The following FHOD3 variants were observed in gnomAD, a reference collection of about 807,000 sequenced individuals.
The protein encoded by FHOD3 is FH1/FH2 domain-containing protein 3.
Under a neutral mutation model 173.0 loss-of-function variants are expected in FHOD3, and 90 were observed. That is an observed-to-expected ratio of 0.52 (90% CI 0.44 to 0.62). The LOEUF (loss-of-function observed/expected upper bound fraction) is 0.62, where lower values mean the gene tolerates loss of function less well. FHOD3 is among the 20% of genes least tolerant of loss of function. FHOD3 has a pLI of 0.00. For synonymous variants in FHOD3, 828 were observed against 823.0 expected, an observed-to-expected ratio of 1.01 and a Z score of -0.10; for missense variants, 1,945 against 2,034.7, an observed-to-expected ratio of 0.96 and a Z score of 0.85.
chr18:36,508,333 A>G (rs904532712), intron 4 of FHOD3, among the ~76,000 whole-genome samples: 3 of 152,168 alleles, frequency 2.0e-5, no homozygotes, highest in East Asian at 3.8e-4. Flanking sequence ...ACCACTAGCA[A>G]CGAGATTGTG....
intron 4 of FHOD3, among the ~76,000 whole-genome samples, chr18:36,504,887 T>C (rs112111935): frequency 2.6e-5 from 4 of 152,280 alleles, no homozygotes; most frequent in African/African-American, 9.6e-5. Context: ...ATGCCACAAG[T>C]AGAAAATTCC....
chr18:36,348,309 A>G (rs2145624545), intron 1 of FHOD3, among the ~76,000 whole-genome samples: 1 of 152,330 alleles, frequency 6.6e-6, no homozygotes, highest in South Asian at 2.1e-4. Flanking sequence ...ACCAAATGGA[A>G]CATGCTGACT....
chr18:36,699,032 G>A (rs558391561), intron 17 of FHOD3, among the ~76,000 whole-genome samples: 4 of 152,210 alleles, frequency 2.6e-5, no homozygotes, highest in African/African-American at 9.6e-5. Flanking sequence ...TTTGCTCTAG[G>A]GAGACCCTAT....
intron 9 of FHOD3, among the ~76,000 whole-genome samples, chr18:36,621,140 C>T (rs2033673531): frequency 6.6e-6 from 1 of 151,986 alleles, no homozygotes. Context: ...CATAAATTGA[C>T]AGAAAAGAAA....
intron 14 of FHOD3, among the ~76,000 whole-genome samples, chr18:36,662,290 A>G (rs2036863072): frequency 6.6e-6 from 1 of 152,170 alleles, no homozygotes; most frequent in African/African-American, 2.4e-5. Context: ...ACCCTAAGAC[A>G]GTCCTTGTTC....
chr18:36,752,744 G>T (rs1422965235), intron 24 of FHOD3, among the ~76,000 whole-genome samples: 1 of 152,014 alleles, frequency 6.6e-6, no homozygotes, highest in African/African-American at 2.4e-5. Context: ...GATTCCCTGT[G>T]CATCCAAAAA....
At chr18:36,394,784 A>T (rs1390270606) in intron 3 of FHOD3, among the ~76,000 whole-genome samples, 2 of 152,166 alleles carry the variant, frequency 1.3e-5, no homozygotes, top group Non-Finnish European at 2.9e-5. Context: ...AAAACATTTC[A>T]AAACTGCAAT....
intron 3 of FHOD3, among the ~76,000 whole-genome samples, chr18:36,453,877 A>T (rs1220203895): frequency 6.6e-6 from 1 of 152,204 alleles, no homozygotes; most frequent in Non-Finnish European, 1.5e-5. Context: ...ATGTAGGCTC[A>T]GTTTTGTGAC....
At chr18:36,775,626 G>T (rs923333516) in intron 28 of FHOD3, among the ~76,000 whole-genome samples, 1 of 152,182 alleles carries the variant, frequency 6.6e-6, no homozygotes, top group Non-Finnish European at 1.5e-5. Flanking sequence ...TCTCGGATGC[G>T]ACTCATCTTA....
At chr18:36,563,906 C>G (rs905896934) in intron 5 of FHOD3, among the ~76,000 whole-genome samples, 1 of 152,068 alleles carries the variant, frequency 6.6e-6, no homozygotes, top group Non-Finnish European at 1.5e-5. Flanking sequence ...CCATTCCACT[C>G]TGCTTGGGCT....
intron 1 of FHOD3, among the ~76,000 whole-genome samples, chr18:36,335,359 G>T (rs2145314003): frequency 6.6e-6 from 1 of 151,876 alleles, no homozygotes; most frequent in Middle Eastern, 3.4e-3. Flanking sequence ...GCCGGGCGTG[G>T]TAGCGGGCGC....
intron 17 of FHOD3, among the ~76,000 whole-genome samples, chr18:36,702,578 C>G (rs2039650710): frequency 6.6e-6 from 1 of 152,174 alleles, no homozygotes; most frequent in Non-Finnish European, 1.5e-5. Flanking sequence ...TGGCCCAGCC[C>G]TTGGTTTCAT....
At chr18:36,536,532 A>C (rs753133966) in intron 5 of FHOD3, among the ~76,000 whole-genome samples, 5 of 152,224 alleles carry the variant, frequency 3.3e-5, no homozygotes, top group Non-Finnish European at 5.9e-5. Flanking sequence ...TCCCCTCTGC[A>C]GGTTTTCTGC....
Position 36,383,142 on chromosome 18 carries a change from G to A in FHOD3, c.337+10398G>A, listed in dbSNP as rs367608197. ...AGCGTTGGCCAGCCCTTCCAGCCCT[G>A]CTGTGTTCTGTTCTTGGGCAGGCTT... On this transcript the variant is annotated intron_variant, in intron 3 of 28. Coordinates refer to ENST00000590592, the MANE Select transcript of FHOD3 (RefSeq NM_001281740.3). Among the ~76,000 whole-genome samples the A allele has an allele frequency of 9.9e-5, 15 of 152,184 alleles. No homozygotes were observed. In the East Asian group the frequency reaches 1.9e-3, roughly 20 times the overall value.
intron 10 of FHOD3, among the ~76,000 whole-genome samples, chr18:36,645,312 C>T (rs140370383): frequency 0.014 from 2,197 of 152,080 alleles, 35 homozygotes; most frequent in Non-Finnish European, 0.02. Flanking sequence ...CCCAGCTATT[C>T]GGAAGGCTGA....
chr18:36,342,199 A>G (rs1230126544), intron 1 of FHOD3, among the ~76,000 whole-genome samples: 1 of 152,180 alleles, frequency 6.6e-6, no homozygotes, highest in East Asian at 1.9e-4. Flanking sequence ...AGAAAATGGA[A>G]AATGCAGAAA....
At chr18:36,383,903 A>G (rs2047905923) in intron 3 of FHOD3, among the ~76,000 whole-genome samples, 1 of 152,166 alleles carries the variant, frequency 6.6e-6, no homozygotes, top group Non-Finnish European at 1.5e-5. Context: ...GGTACCTCCA[A>G]TAACACTAGC....
chr18:36,762,194 A>G (rs976163578), intron 27 of FHOD3, among the ~76,000 whole-genome samples: 1 of 152,192 alleles, frequency 6.6e-6, no homozygotes, highest in Non-Finnish European at 1.5e-5. Context: ...ATTCAACATA[A>G]TGGAAAAAAT....
rs561098469 is a variant in FHOD3, at chr18:36,583,658, G to C, written c.606+7113G>C. Among the ~76,000 whole-genome samples the C allele has an allele frequency of 3.9e-5, 6 of 152,234 alleles. No individual in the cohort carries two copies. The South Asian group carries it at 1.0e-3, about 26-fold the overall frequency. ...TTCTTAGGTCCCAGCCCTGCCCCCA[G>C]CTTCTTTGTGAGTGCCATGGAGAGC... is the stretch of plus-strand genomic sequence containing the variant. On this transcript the variant is annotated intron_variant, in intron 6 of 28. Transcript: ENST00000590592.
Sources: allele counts gnomAD v4.1 joint callset (sites outside exome capture counted in the v4.1 genomes callset), GRCh38; gene constraint gnomAD v4.1.1; transcripts MANE v1.5; gene names NCBI Gene and HGNC (gene_info 2026-07-23, HGNC 2026-07-21).